GPC6: variants seen among roughly 807,000 people sequenced by gnomAD.
The protein encoded by GPC6 is glypican-6.
GPC6 carries 14 observed loss-of-function variants against 55.2 expected under a neutral mutation model. That is an observed-to-expected ratio of 0.25 (90% CI 0.17 to 0.40). The LOEUF (loss-of-function observed/expected upper bound fraction) is 0.40. GPC6 is among the 10% of genes least tolerant of loss of function. The pLI is 1.00. For missense variants in GPC6, 641 were observed against 708.5 expected, an observed-to-expected ratio of 0.90 and a Z score of 1.08; for synonymous variants, 278 against 259.6, an observed-to-expected ratio of 1.07 and a Z score of -0.68.
chr13:93,800,594 G>C (rs1209221556), intron 2 of GPC6, among the ~76,000 whole-genome samples: 4 of 152,232 alleles, frequency 2.6e-5, no homozygotes, highest in South Asian at 4.2e-4. Flanking sequence ...ACATAAACAG[G>C]TTTCCATGTC....
intron 4 of GPC6, among the ~76,000 whole-genome samples, chr13:94,085,977 G>A (rs961964881): frequency 1.1e-4 from 16 of 152,140 alleles, no homozygotes; most frequent in African/African-American, 3.6e-4. Context: ...GGTTATTGAA[G>A]AAGAGAATAT....
chr13:94,006,975 A>T (rs1262660830), intron 3 of GPC6, among the ~76,000 whole-genome samples: 2 of 152,194 alleles, frequency 1.3e-5, no homozygotes, highest in African/African-American at 4.8e-5. Flanking sequence ...AATAAAAATA[A>T]ACAAAACACC....
intron 2 of GPC6, among the ~76,000 whole-genome samples, chr13:93,763,882 C>T (rs1296045839): frequency 1.3e-5 from 2 of 152,022 alleles, no homozygotes; most frequent in Non-Finnish European, 2.9e-5. Context: ...CTCCTTTATC[C>T]CATTCCATAA....
chr13:94,320,716 A>C (rs1270522657), intron 6 of GPC6, among the ~76,000 whole-genome samples: 1 of 150,728 alleles, frequency 6.6e-6, no homozygotes, highest in African/African-American at 2.4e-5. Flanking sequence ...CATTCTTAGT[A>C]CTCTTGTTTT....
At chr13:93,461,638 C>T (rs1009599110) in intron 1 of GPC6, among the ~76,000 whole-genome samples, 1 of 112,042 alleles carries the variant, frequency 8.9e-6, no homozygotes, top group Non-Finnish European at 1.7e-5. Flanking sequence ...CCATATGTTT[C>T]ATAGCTGAAG....
intron 1 of GPC6, among the ~76,000 whole-genome samples, chr13:93,446,168 C>T (rs1306620187): frequency 6.6e-6 from 1 of 151,966 alleles, no homozygotes; most frequent in Non-Finnish European, 1.5e-5. Flanking sequence ...TTAAACCTTC[C>T]AAGGTCAAGA....
chr13:93,516,456 T>G (rs1466404138), intron 1 of GPC6, among the ~76,000 whole-genome samples: 3 of 151,806 alleles, frequency 2.0e-5, no homozygotes, highest in African/African-American at 7.3e-5. Flanking sequence ...ACCAGGAGAG[T>G]TTTGCCAGGA....
upstream of GPC6, among the ~76,000 whole-genome samples, chr13:93,223,019 CTTTTTTTTTTT>C (rs3073915): frequency 9.9e-6 from 1 of 100,814 alleles, no homozygotes; most frequent in African/African-American, 3.8e-5. Context: ...AGGGAAAACA[CTTTTTTTTTTT>C]TTTTTTTTTT....
At chr13:93,470,680 C>T (rs1387170310) in intron 1 of GPC6, among the ~76,000 whole-genome samples, 1 of 151,748 alleles carries the variant, frequency 6.6e-6, no homozygotes, top group African/African-American at 2.4e-5. Flanking sequence ...GTATTCCCTT[C>T]TCTTTTTTTT....
intron 1 of GPC6, among the ~76,000 whole-genome samples, chr13:93,307,378 A>G (rs1256551035): frequency 6.6e-6 from 1 of 152,160 alleles, no homozygotes; most frequent in Non-Finnish European, 1.5e-5. Context: ...TTTATGATGA[A>G]TCAAATGGGA....
At chr13:93,570,191 T>C (rs1876335515) in intron 2 of GPC6, among the ~76,000 whole-genome samples, 1 of 152,180 alleles carries the variant, frequency 6.6e-6, no homozygotes, top group Non-Finnish European at 1.5e-5. Flanking sequence ...ATAGCAGTTA[T>C]GTCTGAAAGA....
At chr13:93,831,690 T>G (rs1390364084) in intron 3 of GPC6, among the ~76,000 whole-genome samples, 1 of 152,122 alleles carries the variant, frequency 6.6e-6, no homozygotes, top group Non-Finnish European at 1.5e-5. Flanking sequence ...GTTAATTTCC[T>G]AAACGTTTAT....
chr13:93,731,473 T>G (rs1446303640), intron 2 of GPC6, among the ~76,000 whole-genome samples: 1 of 152,306 alleles, frequency 6.6e-6, no homozygotes, highest in South Asian at 2.1e-4. Flanking sequence ...AGCTTGGTGG[T>G]TCTATCTCCT....
intron 4 of GPC6, among the ~76,000 whole-genome samples, chr13:94,244,654 A>G (rs1175729559): frequency 6.6e-6 from 1 of 152,148 alleles, no homozygotes; most frequent in Non-Finnish European, 1.5e-5. Flanking sequence ...AGTCACATCC[A>G]TTTATATGAG....
chr13:93,835,262 C>A (rs1887688933), intron 3 of GPC6, among the ~76,000 whole-genome samples: 1 of 151,704 alleles, frequency 6.6e-6, no homozygotes, highest in Non-Finnish European at 1.5e-5. Context: ...AAGACCCAGC[C>A]TAGGCAACAT....
intron 3 of GPC6, among the ~76,000 whole-genome samples, chr13:93,923,325 G>A (rs1306563410): frequency 6.6e-6 from 1 of 152,088 alleles, no homozygotes; most frequent in African/African-American, 2.4e-5. Flanking sequence ...TAATTGTTCG[G>A]GGAAAAGGGC....
intron 3 of GPC6, among the ~76,000 whole-genome samples, chr13:93,987,813 G>T (rs1236151581): frequency 6.6e-6 from 1 of 151,956 alleles, no homozygotes; most frequent in African/African-American, 2.4e-5. Flanking sequence ...ACTGTTTTTT[G>T]CATAAAGAGA....
chr13:94,366,852 C>T (rs1348187084), intron 6 of GPC6, among the ~76,000 whole-genome samples: 2 of 152,184 alleles, frequency 1.3e-5, no homozygotes, highest in Non-Finnish European at 2.9e-5. Flanking sequence ...TTACCAGGGG[C>T]TAGGCAGAGA....
At chr13:94,070,301 A>G (rs189199841) in intron 4 of GPC6, among the ~76,000 whole-genome samples, 83 of 152,304 alleles carry the variant, frequency 5.4e-4, no homozygotes, top group East Asian at 2.7e-3. Flanking sequence ...ACCTCCCACC[A>G]GGTTCCTCCT....
Sources: gnomAD v4.1 joint callset for allele counts (sites outside exome capture counted in the v4.1 genomes callset) on GRCh38, gnomAD v4.1.1 for gene constraint, MANE v1.5 for transcripts, NCBI Gene and HGNC (gene_info 2026-07-23, HGNC 2026-07-21) for gene names.